Variants in TEX9 observed in about 807,000 individuals in gnomAD.
TEX9 encodes the protein testis expressed 9.
A neutral mutation model predicts 59.6 loss-of-function variants in TEX9; 74 were observed. That is an observed-to-expected ratio of 1.24 (90% CI 1.03 to 1.51). The LOEUF (loss-of-function observed/expected upper bound fraction) is 1.51, where lower values mean the gene tolerates loss of function less well. Ranked by LOEUF, TEX9 falls within the 40% of genes most tolerant of loss-of-function variation. TEX9 has a pLI of 0.00. For missense variants in TEX9, 522 were observed against 447.8 expected, an observed-to-expected ratio of 1.17 and a Z score of -1.49; for synonymous variants, 186 against 152.2, an observed-to-expected ratio of 1.22 and a Z score of -1.64.
chr15:56,367,216 C>A (rs536485902), intron 2 of TEX9, among the ~76,000 whole-genome samples: 1 of 152,256 alleles, frequency 6.6e-6, no homozygotes, highest in East Asian at 1.9e-4. Flanking sequence ...GTTACTTGTT[C>A]TGTTATCTGT....
intron 1 of TEX9, among the ~76,000 whole-genome samples, chr15:56,303,095 C>T (rs1314488561): frequency 1.3e-5 from 2 of 152,238 alleles, no homozygotes; most frequent in Admixed American, 1.3e-4. Context: ...GAGATAGACC[C>T]CAATACAATA....
the TEX9 span, among the ~76,000 whole-genome samples, chr15:56,452,605 G>A: frequency 1.3e-5 from 2 of 150,366 alleles, no homozygotes; most frequent in Admixed American, 6.7e-5. Flanking sequence ...TGCAAGCTCC[G>A]CCTCCCAGGT....
At chr15:56,275,794 A>G (rs2141424242) in intron 1 of TEX9, among the ~76,000 whole-genome samples, 1 of 152,022 alleles carries the variant, frequency 6.6e-6, no homozygotes. Flanking sequence ...CTGTGCTTCC[A>G]TTCATTCTTG....
intron 1 of TEX9, among the ~76,000 whole-genome samples, chr15:56,306,673 G>A (rs557245769): frequency 1.1e-4 from 16 of 152,090 alleles, no homozygotes; most frequent in Non-Finnish European, 2.4e-4. Context: ...AGACTAAGAT[G>A]TAGTATTTTA....
At chr15:56,348,645 T>A (rs1280823767) in intron 1 of TEX9, among the ~76,000 whole-genome samples, 1 of 152,144 alleles carries the variant, frequency 6.6e-6, no homozygotes, top group Non-Finnish European at 1.5e-5. Context: ...TATGTGCCAA[T>A]TTTCTTTGAC....
intron 1 of TEX9, among the ~76,000 whole-genome samples, chr15:56,262,872 C>T (rs1417376943): frequency 6.6e-6 from 1 of 152,152 alleles, no homozygotes; most frequent in African/African-American, 2.4e-5. Flanking sequence ...ATCTCTAGTA[C>T]ACTTCTGGCC....
chr15:56,402,970 T>G (rs2048873205), intron 9 of TEX9, among the ~76,000 whole-genome samples: 1 of 152,202 alleles, frequency 6.6e-6, no homozygotes. Flanking sequence ...AACTAGGTAT[T>G]GATGGAACAT....
At chr15:56,348,445 T>C (rs1247424011) in intron 1 of TEX9, among the ~76,000 whole-genome samples, 1 of 152,028 alleles carries the variant, frequency 6.6e-6, no homozygotes, top group Non-Finnish European at 1.5e-5. Flanking sequence ...TGATGAAAAG[T>C]TTGCATAGTT....
intron 1 of TEX9, among the ~76,000 whole-genome samples, chr15:56,276,418 A>T (rs907512978): frequency 1.3e-5 from 2 of 152,144 alleles, no homozygotes. Flanking sequence ...TATGAGTGAG[A>T]ACATGCAGTG....
At chr15:56,263,246 C>G (rs117765600) in intron 1 of TEX9, among the ~76,000 whole-genome samples, 6,699 of 152,276 alleles carry the variant, frequency 0.044, 225 homozygotes, top group Admixed American at 0.086. Flanking sequence ...TGGTCTCGAA[C>G]TGCAGACCTT....
chr15:56,405,116 A>T (rs1367432108), intron 9 of TEX9, among the ~76,000 whole-genome samples: 1 of 152,074 alleles, frequency 6.6e-6, no homozygotes, highest in African/African-American at 2.4e-5. Flanking sequence ...TGTACCCTAG[A>T]ACTTAAAAGT....
At chr15:56,249,692 G>A (rs368698217) in intron 1 of TEX9, among the ~76,000 whole-genome samples, 73 of 136,402 alleles carry the variant, frequency 5.4e-4, no homozygotes, top group African/African-American at 1.8e-3. Context: ...GCAGTGAGTC[G>A]AGATTGTGCC....
chr15:56,405,618 G>A (rs1389658257), intron 9 of TEX9, among the ~76,000 whole-genome samples: 1 of 152,102 alleles, frequency 6.6e-6, no homozygotes, highest in East Asian at 1.9e-4. Context: ...GAACTTTCCA[G>A]CTTGCATCCC....
chr15:56,356,911 C>T (rs559523697), intron 1 of TEX9, among the ~76,000 whole-genome samples: 64 of 152,104 alleles, frequency 4.2e-4, no homozygotes, highest in African/African-American at 1.5e-3. Context: ...ATTCTGGATC[C>T]TGTCTCACTG....
Position 56,337,016 on chromosome 15 carries a change from C to T in TEX9, c.-106-36425C>T, listed in dbSNP as rs148254433. Among the ~76,000 whole-genome samples, 708 of 152,206 alleles carry T rather than the reference C, an allele frequency of 4.7e-3. 1 individual carries two copies. Among genetic ancestry groups the T allele is most frequent in the Non-Finnish European group, 8.1e-3 (554 of 68,006 alleles). On this transcript the variant is annotated intron_variant, in intron 1 of 5. Coordinates refer to the TEX9 transcript ENST00000560827. The stretch of plus-strand genomic sequence containing the variant: ...CATGACAACATCTTCTATAGTCTAC[C>T]GCTTGTACAGCTTGTATCCTCTTGC...
chr15:56,297,979 T>C (rs2045256152), intron 1 of TEX9, among the ~76,000 whole-genome samples: 2 of 152,224 alleles, frequency 1.3e-5, no homozygotes, highest in Admixed American at 1.3e-4. Context: ...AAAGCATGAA[T>C]ACTGAATGTG....
chr15:56,422,655 T>C (rs1366709495), intron 10 of TEX9, among the ~76,000 whole-genome samples: 1 of 151,926 alleles, frequency 6.6e-6, no homozygotes, highest in African/African-American at 2.4e-5. Flanking sequence ...AAATTTTTAA[T>C]TGTGGTAAGC....
intron 1 of TEX9, among the ~76,000 whole-genome samples, chr15:56,345,176 T>C (rs72740577): frequency 6.6e-6 from 1 of 151,622 alleles, no homozygotes; most frequent in Non-Finnish European, 1.5e-5. Flanking sequence ...GCTTATCTCC[T>C]CCCAGATTAA....
chr15:56,293,382 A>C (rs1208109343), intron 1 of TEX9, among the ~76,000 whole-genome samples: 5 of 152,202 alleles, frequency 3.3e-5, no homozygotes, highest in African/African-American at 1.2e-4. Context: ...AAAAATAAAA[A>C]AAATAAAAAG....
Sources: gnomAD v4.1 joint callset for allele counts (sites outside exome capture counted in the v4.1 genomes callset) on GRCh38, gnomAD v4.1.1 for gene constraint, MANE v1.5 for transcripts, NCBI Gene and HGNC (gene_info 2026-07-23, HGNC 2026-07-21) for gene names.